The following EXOC4 variants were observed in gnomAD, a reference collection of about 807,000 sequenced individuals.
EXOC4 encodes SEC8-like 1.
Under a neutral mutation model 107.2 loss-of-function variants are expected in EXOC4, and 71 were observed. The ratio of observed to expected loss-of-function variants is 0.66; its 90% CI spans 0.55 to 0.81. EXOC4 has a LOEUF of 0.81. Among genes scored for constraint, EXOC4 ranks in the 30% least tolerant of loss-of-function variants. The pLI, the probability that EXOC4 is intolerant of heterozygous loss-of-function variation, is 0.00. For synonymous variants in EXOC4, 456 were observed against 441.2 expected, an observed-to-expected ratio of 1.03 and a Z score of -0.42; for missense variants, 1,108 against 1,189.6, an observed-to-expected ratio of 0.93 and a Z score of 1.01.
At chr7:133,902,042 C>G (rs1365367917) in intron 12 of EXOC4, among the ~76,000 whole-genome samples, 1 of 152,214 alleles carries the variant, frequency 6.6e-6, no homozygotes, top group African/African-American at 2.4e-5. Flanking sequence ...GTGACCTATT[C>G]TTCGTGAGAT....
intron 7 of EXOC4, among the ~76,000 whole-genome samples, chr7:133,411,706 GA>G (rs543239770): frequency 2.2e-3 from 327 of 152,018 alleles, no homozygotes; most frequent in Non-Finnish European, 3.7e-3. Flanking sequence ...AACATGTATT[GA>G]CATTCTCAAG....
intron 7 of EXOC4, among the ~76,000 whole-genome samples, chr7:133,395,935 T>A (rs1052337649): frequency 1.3e-5 from 2 of 152,172 alleles, no homozygotes; most frequent in African/African-American, 4.8e-5. Flanking sequence ...TTAATTTGTT[T>A]TATGTTAGCC....
chr7:133,490,910 A>G (rs1022382737), intron 9 of EXOC4, among the ~76,000 whole-genome samples: 15 of 152,210 alleles, frequency 9.9e-5, no homozygotes, highest in Non-Finnish European at 2.1e-4. Flanking sequence ...TGCACTTATT[A>G]TAGCATATTA....
At chr7:133,869,019 G>A (rs894497957) in intron 11 of EXOC4, among the ~76,000 whole-genome samples, 98 of 86,044 alleles carry the variant, frequency 1.1e-3, no homozygotes, top group Non-Finnish European at 1.7e-3. Flanking sequence ...ACCCGCCCCC[G>A]CCCTTCTTTT....
At chr7:133,916,714 A>G (rs1371319564) in intron 12 of EXOC4, among the ~76,000 whole-genome samples, 6 of 152,272 alleles carry the variant, frequency 3.9e-5, no homozygotes, top group African/African-American at 1.4e-4. Context: ...CCTGCCTATG[A>G]TGGGGCAATC....
chr7:133,871,605 A>C (rs1381539548), intron 11 of EXOC4, among the ~76,000 whole-genome samples: 1 of 151,954 alleles, frequency 6.6e-6, no homozygotes, highest in Non-Finnish European at 1.5e-5. Context: ...TCTCATCCCC[A>C]ATGATTCAGT....
chr7:133,418,265 T>C (rs1002287649), intron 7 of EXOC4, among the ~76,000 whole-genome samples: 2 of 152,226 alleles, frequency 1.3e-5, no homozygotes, highest in Non-Finnish European at 2.9e-5. Context: ...AATTTAGTAT[T>C]GATTACTGTA....
At chr7:133,778,343 GA>G (rs1796388988) in intron 10 of EXOC4, among the ~76,000 whole-genome samples, 1 of 152,116 alleles carries the variant, frequency 6.6e-6, no homozygotes, top group Non-Finnish European at 1.5e-5. Flanking sequence ...ACCTATAATC[GA>G]AGACCAGAAG....
At chr7:134,014,034 C>T (rs1157316915) in intron 17 of EXOC4, among the ~76,000 whole-genome samples, 3 of 152,108 alleles carry the variant, frequency 2.0e-5, no homozygotes, top group Non-Finnish European at 4.4e-5. Context: ...GGTATATACA[C>T]AGATAAATGA....
chr7:133,335,342 C>T (rs1465439824), intron 5 of EXOC4, among the ~76,000 whole-genome samples: 1 of 152,160 alleles, frequency 6.6e-6, no homozygotes, highest in Non-Finnish European at 1.5e-5. Context: ...ACTGTGTGCC[C>T]ATTAAACAAC....
chr7:133,338,078 C>G (rs1164310951), intron 5 of EXOC4, among the ~76,000 whole-genome samples: 3 of 146,604 alleles, frequency 2.0e-5, no homozygotes, highest in African/African-American at 7.6e-5. Flanking sequence ...GTTTTCTGTT[C>G]TCTGTCTCAT....
At chr7:133,796,959 C>T (rs1446416806) in intron 10 of EXOC4, among the ~76,000 whole-genome samples, 3 of 152,084 alleles carry the variant, frequency 2.0e-5, no homozygotes, top group Non-Finnish European at 2.9e-5. Flanking sequence ...TTGACAGACA[C>T]AAAGCCAGTT....
intron 13 of EXOC4, among the ~76,000 whole-genome samples, chr7:133,934,614 C>G (rs1476468925): frequency 1.3e-5 from 2 of 152,112 alleles, no homozygotes; most frequent in Non-Finnish European, 2.9e-5. Context: ...TTAATTGTCG[C>G]ATTCCACCTA....
intron 14 of EXOC4, among the ~76,000 whole-genome samples, chr7:133,971,975 T>G (rs557003279): frequency 9.3e-5 from 14 of 149,846 alleles, no homozygotes; most frequent in Non-Finnish European, 1.3e-4. Context: ...TCAAGGAAGC[T>G]ATGAAGTTAT....
At chr7:134,027,656 CAAAA>C (rs11408269) in intron 17 of EXOC4, among the ~76,000 whole-genome samples, 2 of 124,798 alleles carry the variant, frequency 1.6e-5, no homozygotes, top group South Asian at 2.8e-4. Context: ...GACTCCATCT[CAAAA>C]AAAAAAAAAA....
At chr7:133,637,584 CTTG>C (rs79145928) in intron 10 of EXOC4, among the ~76,000 whole-genome samples, 19,680 of 151,968 alleles carry the variant, frequency 0.13, 1,383 homozygotes, top group East Asian at 0.24. Context: ...ATATAGACAC[CTTG>C]TTGCATTTTT....
intron 17 of EXOC4, among the ~76,000 whole-genome samples, chr7:134,034,319 C>CATATA (rs1228638061): frequency 6.6e-6 from 1 of 152,146 alleles, no homozygotes; most frequent in Admixed American, 6.5e-5. Context: ...AGCAACTATA[C>CATATA]AGGAAATGTG....
chr7:133,393,509 C>A (rs1204199198), intron 7 of EXOC4, among the ~76,000 whole-genome samples: 2 of 152,162 alleles, frequency 1.3e-5, no homozygotes, highest in Non-Finnish European at 2.9e-5. Flanking sequence ...TTATGTCCCC[C>A]CTACCCCATA....
intron 9 of EXOC4, among the ~76,000 whole-genome samples, chr7:133,498,085 C>T (rs1317687369): frequency 2.0e-5 from 3 of 152,132 alleles, no homozygotes; most frequent in Admixed American, 1.3e-4. Context: ...AGGCACTGAA[C>T]ATGCCCAAAT....
Sources: allele counts gnomAD v4.1 joint callset (sites outside exome capture counted in the v4.1 genomes callset), GRCh38; gene constraint gnomAD v4.1.1; transcripts MANE v1.5; gene names NCBI Gene and HGNC (gene_info 2026-07-23, HGNC 2026-07-21).